Variants in KCNQ1OT1 observed in about 807,000 individuals in gnomAD.
KCNQ1OT1 encodes KCNQ1 antisense RNA 2 (non-protein coding).
At position 2,672,890 on chromosome 11, in the gene KCNQ1OT1, C is replaced by T. The variant is rs550527546; in HGVS notation, n.27105G>A. 2.3e-5 allele frequency: 9 copies of T among 398,722 alleles called. No individual in the cohort carries two copies. The Admixed American group carries it at 4.0e-4, about 18-fold the overall frequency. The allele number at this position is 398,722 out of a possible 1,614,324, so 24.7% of individuals were successfully genotyped here. A position where few individuals can be genotyped will look rare whatever the true frequency, so the allele number is the denominator to read the frequency against. On this transcript the variant is annotated non_coding_transcript_exon_variant, in exon 1 of 1. Transcript: ENST00000597346. ...CCTAGCCACCTGACTGTCAGGGGAG[C>T]AGTATGTGGCACTTGAGGCCTTGGG...
chr11:2,655,695 C>A, exon 1 of KCNQ1OT1: 1 of 390,758 alleles, frequency 2.6e-6, no homozygotes, highest in Non-Finnish European at 4.5e-6. Flanking sequence ...ACCCCCAGCT[C>A]CCCTCCATGC....
exon 1 of KCNQ1OT1, chr11:2,641,837 T>C (rs942938828): frequency 7.5e-6 from 3 of 398,366 alleles, no homozygotes; most frequent in Admixed American, 4.4e-5. Flanking sequence ...AGAAACGGTT[T>C]CATTTTTCAC....
exon 1 of KCNQ1OT1, chr11:2,689,492 G>A (rs1199588430): frequency 1.3e-5 from 5 of 398,560 alleles, no homozygotes; most frequent in Admixed American, 4.4e-5. Context: ...TTCTGCTGAA[G>A]GTTTTGGGTC....
chr11:2,659,331 G>GTCCTATAAATGGGA lies in KCNQ1OT1; in HGVS notation n.40650_40663dup, dbSNP rs2133852757. 1 of 398,628 alleles carries GTCCTATAAATGGGA rather than the reference G, an allele frequency of 2.5e-6. No individual in the cohort carries two copies. The highest frequency in any genetic ancestry group is 3.6e-5 in the East Asian group (1 of 28,078). 24.7% of individuals were successfully genotyped at this position (398,628 alleles called of 1,614,324 possible). A position where few individuals can be genotyped will look rare whatever the true frequency, so the allele number is the denominator to read the frequency against. ...CCCTGTAGTTTTGTTTTTCTAGAAT[G>GTCCTATAAATGGGA]TCCTATAAATGGGATCCTATAATAT... is the stretch of plus-strand genomic sequence containing the variant. On this transcript the variant is annotated non_coding_transcript_exon_variant, in exon 1 of 1. Transcript: ENST00000597346. The surrounding 1 kb of genome is among the most constrained non-coding windows in gnomAD (Gnocchi z 4.3).
Position 2,676,319 on chromosome 11 carries a change from G to C in KCNQ1OT1, n.23676C>G, listed in dbSNP as rs144933938. Reference sequence around the variant, plus strand: ...ACACGTGTGAACAGGTGATGGCTCTGAACAGTGTAGTTGAAGTGCTGTTTT... The same window carrying C: ...ACACGTGTGAACAGGTGATGGCTCTCAACAGTGTAGTTGAAGTGCTGTTTT... On this transcript the variant is annotated non_coding_transcript_exon_variant, in exon 1 of 1. Transcript: ENST00000597346. This position sits in a 1 kb window ranked among gnomAD's most constrained non-coding sequence, Gnocchi z 4.2. 7.5e-6 allele frequency: 3 copies of C among 398,636 alleles called. No individual in the cohort carries two copies. Among genetic ancestry groups the C allele is most frequent in the Admixed American group, 4.4e-5 (1 of 22,738 alleles). The allele number at this position is 398,636 out of a possible 1,614,324, so 24.7% of individuals were successfully genotyped here.
At chr11:2,633,376 T>C in exon 1 of KCNQ1OT1, 1 of 398,584 alleles carries the variant, frequency 2.5e-6, no homozygotes, top group Non-Finnish European at 4.4e-6. Context: ...TTTAGTTTGA[T>C]ACAGTCCCAT....
chr11:2,694,498 T>G, exon 1 of KCNQ1OT1: 1 of 398,660 alleles, frequency 2.5e-6, no homozygotes, highest in Non-Finnish European at 4.4e-6. Flanking sequence ...ATTACCAGTG[T>G]GGCTGGCTAA....
At position 2,652,012 on chromosome 11, in the gene KCNQ1OT1, T is replaced by C. The variant is rs556987410; in HGVS notation, n.47983A>G. ...ACATCAGTTGTTAACATAATTTTGA[T>C]GTTGAGCCTCCCCCCAGTTCTGGGG... is the stretch of plus-strand genomic sequence containing the variant. On this transcript the variant is annotated non_coding_transcript_exon_variant, in exon 1 of 1. Coordinates refer to ENST00000597346, the Ensembl canonical transcript of KCNQ1OT1. The surrounding 1 kb of genome is among the most constrained non-coding windows in gnomAD (Gnocchi z 5.9). 1.5e-3 allele frequency: 583 copies of C among 398,674 alleles called. 2 individuals carry two copies. Among genetic ancestry groups the C allele is most frequent in the African/African-American group, 9.4e-3 (459 of 48,762 alleles). 24.7% of individuals were successfully genotyped at this position (398,674 alleles called of 1,614,324 possible).
chr11:2,632,287 AG>A (rs1849371729), exon 1 of KCNQ1OT1: 1 of 398,170 alleles, frequency 2.5e-6, no homozygotes, highest in Non-Finnish European at 4.4e-6. Flanking sequence ...GTGAGTTTTC[AG>A]GGATTTCTAC....
exon 1 of KCNQ1OT1, chr11:2,646,666 AG>A (rs1200642915): frequency 7.5e-6 from 3 of 398,466 alleles, no homozygotes; most frequent in Non-Finnish European, 1.3e-5. Context: ...GCTGAACTTC[AG>A]GTGCAGGCCA....
At chr11:2,692,262 A>G (rs558247294) in exon 1 of KCNQ1OT1, 1 of 398,976 alleles carries the variant, frequency 2.5e-6, no homozygotes, top group South Asian at 1.3e-4. Context: ...AGCCAGGCTT[A>G]CTTCACCCAT....
rs1056053180 is a variant in KCNQ1OT1, at chr11:2,651,319, C to T, written n.48676G>A. ...CAGCTGGGAAGCTGCACAGAACACT[C>T]CTCAGAGTTCTACAAGCGGCTGAGA... On this transcript the variant is annotated non_coding_transcript_exon_variant, in exon 1 of 1. Coordinates refer to ENST00000597346, the Ensembl canonical transcript of KCNQ1OT1. The surrounding 1 kb of genome is among the most constrained non-coding windows in gnomAD (Gnocchi z 6.1). 1.8e-5 allele frequency: 7 copies of T among 398,578 alleles called. No homozygotes were observed. Among genetic ancestry groups the T allele is most frequent in the African/African-American group, 4.1e-5 (2 of 48,652 alleles). The allele number at this position is 398,578 out of a possible 1,614,324, so 24.7% of individuals were successfully genotyped here. A position where few individuals can be genotyped will look rare whatever the true frequency, so the allele number is the denominator to read the frequency against.
Position 2,691,465 on chromosome 11 carries a change from C to T in KCNQ1OT1, n.8530G>A. Reference sequence around the variant, plus strand: ...CCACTGAGTCTCTGATGTTGACAGCCTCTTTGTTTTTTCATCTCAGCCTAT... The same window carrying T: ...CCACTGAGTCTCTGATGTTGACAGCTTCTTTGTTTTTTCATCTCAGCCTAT... On this transcript the variant is annotated non_coding_transcript_exon_variant, in exon 1 of 1. Transcript: ENST00000597346. The surrounding 1 kb of genome is among the most constrained non-coding windows in gnomAD (Gnocchi z 6.4). 1 of 398,510 alleles carries T rather than the reference C, an allele frequency of 2.5e-6. No homozygotes were observed. The highest frequency in any genetic ancestry group is 6.3e-4 in the Middle Eastern group (1 of 1,588). 24.7% of individuals were successfully genotyped at this position (398,510 alleles called of 1,614,324 possible).
At chr11:2,665,597 C>A in exon 1 of KCNQ1OT1, 1 of 396,924 alleles carries the variant, frequency 2.5e-6, no homozygotes, top group Non-Finnish European at 4.4e-6. Flanking sequence ...CAGTAAACCC[C>A]CCAGGACACA....
At chr11:2,656,021 A>G (rs1278938029) in exon 1 of KCNQ1OT1, 2 of 398,518 alleles carry the variant, frequency 5.0e-6, no homozygotes, top group Non-Finnish European at 8.8e-6. Flanking sequence ...ACCAGGACAG[A>G]ACCTTCCTCA....
In KCNQ1OT1 at chr11:2,691,616, C is replaced by A; in HGVS notation, n.8379G>T. On this transcript the variant is annotated non_coding_transcript_exon_variant, in exon 1 of 1. Coordinates refer to ENST00000597346, the Ensembl canonical transcript of KCNQ1OT1. The surrounding 1 kb of genome is among the most constrained non-coding windows in gnomAD (Gnocchi z 6.4). ...GGGAGTCAACCTAGCTTGTTCCCTG[C>A]ACGTACTGTGGGGAGGTCCTCTTTA... is the stretch of plus-strand genomic sequence containing the variant. The A allele has an allele frequency of 2.5e-6, 1 of 398,600 alleles. No homozygotes were observed. Among genetic ancestry groups the A allele is most frequent in the African/African-American group, 2.1e-5 (1 of 48,726 alleles). 24.7% of individuals were successfully genotyped at this position (398,600 alleles called of 1,614,324 possible).
At position 2,645,611 on chromosome 11, in the gene KCNQ1OT1, T is replaced by C. The variant is rs1849654049; in HGVS notation, n.54384A>G. 2.5e-6 allele frequency: 1 copy of C among 398,610 alleles called. No individual in the cohort carries two copies. Among genetic ancestry groups the C allele is most frequent in the South Asian group, 1.3e-4 (1 of 7,858 alleles). 24.7% of individuals were successfully genotyped at this position (398,610 alleles called of 1,614,324 possible). A position where few individuals can be genotyped will look rare whatever the true frequency, so the allele number is the denominator to read the frequency against. ...GCATGCTTCGGCCCCAGGTGGTGAC[T>C]ATGGGCAGGGTCACCTTTCCTCATG... On this transcript the variant is annotated non_coding_transcript_exon_variant, in exon 1 of 1. Coordinates refer to ENST00000597346, the Ensembl canonical transcript of KCNQ1OT1. The surrounding 1 kb of genome is among the most constrained non-coding windows in gnomAD (Gnocchi z 5.8).
Position 2,663,138 on chromosome 11 carries a change from C to A in KCNQ1OT1, n.36857G>T. 5.0e-6 allele frequency: 2 copies of A among 398,698 alleles called. No homozygotes were observed. The highest frequency in any genetic ancestry group is 8.8e-6 in the Non-Finnish European group (2 of 226,152). The allele number at this position is 398,698 out of a possible 1,614,324, so 24.7% of individuals were successfully genotyped here. ...AAGGGGTAATTATGATCAGACAGGA[C>A]CTGCCCACTGTCTTTCCAGGCCCCC... On this transcript the variant is annotated non_coding_transcript_exon_variant, in exon 1 of 1. Transcript: ENST00000597346. This position sits in a 1 kb window ranked among gnomAD's most constrained non-coding sequence, Gnocchi z 5.2.
chr11:2,629,256 C>T, exon 1 of KCNQ1OT1: 1 of 398,304 alleles, frequency 2.5e-6, no homozygotes, highest in Non-Finnish European at 4.4e-6. Context: ...TTTGTATCAT[C>T]TTAGAATTTG....
Sources: allele counts gnomAD v4.1 joint callset, GRCh38; gene constraint gnomAD v4.1.1; non-coding constraint Gnocchi (gnomAD v3.1); transcripts MANE v1.5; gene names NCBI Gene and HGNC (gene_info 2026-07-23, HGNC 2026-07-21).